The following PLCB4 variants were observed in gnomAD, a reference collection of about 807,000 sequenced individuals.
The protein encoded by PLCB4 is 1-phosphatidylinositol 4,5-bisphosphate phosphodiesterase beta-4.
A neutral mutation model predicts 178.8 loss-of-function variants in PLCB4; 77 were observed. The observed-to-expected ratio is 0.43, with a 90% CI of 0.36 to 0.52. PLCB4 has a LOEUF of 0.52. Among genes scored for constraint, PLCB4 ranks in the 20% least tolerant of loss-of-function variants. The probability of loss-of-function intolerance (pLI) is 0.00; values close to 1 mark genes in which losing one functional copy is unlikely to be tolerated. For missense variants in PLCB4, 1,024 were observed against 1,453.4 expected (o/e 0.70, Z 4.80); for synonymous variants, 496 against 490.8 (o/e 1.01, Z -0.14).
intron 7 of PLCB4, among the ~76,000 whole-genome samples, chr20:9,359,187 G>A (rs752076583): frequency 6.6e-6 from 1 of 152,198 alleles, no homozygotes; most frequent in Non-Finnish European, 1.5e-5. Flanking sequence ...ATGGGAAAGG[G>A]ATTATTTTTG....
At chr20:9,153,508 G>A (rs536331114) in intron 2 of PLCB4, among the ~76,000 whole-genome samples, 1 of 152,246 alleles carries the variant, frequency 6.6e-6, no homozygotes, top group East Asian at 1.9e-4. Flanking sequence ...CATGTAAGAA[G>A]TGCCTTTCAA....
At chr20:9,083,983 T>C (rs2090285163) in intron 1 of PLCB4, among the ~76,000 whole-genome samples, 1 of 152,226 alleles carries the variant, frequency 6.6e-6, no homozygotes, top group African/African-American at 2.4e-5. Context: ...GGAGGGTTTC[T>C]TTTACATGCA....
At chr20:9,287,533 A>G (rs926441498) in intron 3 of PLCB4, among the ~76,000 whole-genome samples, 6 of 151,932 alleles carry the variant, frequency 3.9e-5, no homozygotes, top group African/African-American at 1.4e-4. Context: ...CATTTTCTTG[A>G]TTTTATTTTT....
intron 9 of PLCB4, among the ~76,000 whole-genome samples, chr20:9,370,508 G>A (rs749206851): frequency 6.6e-6 from 1 of 152,170 alleles, no homozygotes; most frequent in African/African-American, 2.4e-5. Context: ...CCCAGTTATT[G>A]TCAACATGAG....
intron 32 of PLCB4, among the ~76,000 whole-genome samples, chr20:9,449,053 T>C (rs2042587986): frequency 6.6e-6 from 1 of 152,174 alleles, no homozygotes; most frequent in African/African-American, 2.4e-5. Flanking sequence ...ACCCTCTGAA[T>C]GTACTGGCAA....
intron 2 of PLCB4, among the ~76,000 whole-genome samples, chr20:9,140,049 A>G (rs1303155393): frequency 1.3e-5 from 2 of 152,028 alleles, no homozygotes; most frequent in Admixed American, 6.6e-5. Flanking sequence ...CTTGCCTTCT[A>G]ACTTTTTCTG....
At chr20:9,187,644 C>T (rs1039290747) in intron 2 of PLCB4, among the ~76,000 whole-genome samples, 1 of 152,128 alleles carries the variant, frequency 6.6e-6, no homozygotes, top group Non-Finnish European at 1.5e-5. Flanking sequence ...ACTGTATAGG[C>T]CAGAGTTCTA....
chr20:9,097,053 G>A (rs1014573957), intron 2 of PLCB4, among the ~76,000 whole-genome samples: 1 of 151,742 alleles, frequency 6.6e-6, no homozygotes, highest in African/African-American at 2.4e-5. Context: ...TCTTGCCTTA[G>A]CCTCTGAAGT....
intron 2 of PLCB4, among the ~76,000 whole-genome samples, chr20:9,213,410 G>T (rs2093695034): frequency 6.6e-6 from 1 of 152,100 alleles, no homozygotes; most frequent in Admixed American, 6.5e-5. Flanking sequence ...CTCCCAAACT[G>T]TTGGGATTAC....
chr20:9,357,207 A>G (rs567715297), intron 7 of PLCB4, among the ~76,000 whole-genome samples: 11 of 152,364 alleles, frequency 7.2e-5, no homozygotes, highest in African/African-American at 2.2e-4. Flanking sequence ...CATGTTTTAA[A>G]TATTTCAGAT....
chr20:9,348,623 A>C (rs1422231905), intron 7 of PLCB4, among the ~76,000 whole-genome samples: 1 of 152,058 alleles, frequency 6.6e-6, no homozygotes, highest in Non-Finnish European at 1.5e-5. Flanking sequence ...GAAATCCTGA[A>C]AAGGTCTACG....
At chr20:9,197,753 A>G (rs1371087894) in intron 2 of PLCB4, among the ~76,000 whole-genome samples, 1 of 152,212 alleles carries the variant, frequency 6.6e-6, no homozygotes, top group African/African-American at 2.4e-5. Flanking sequence ...AGGTTGGTGG[A>G]TCACCTGAGA....
At chr20:9,221,535 T>C (rs1362471690) in intron 3 of PLCB4, among the ~76,000 whole-genome samples, 1 of 152,200 alleles carries the variant, frequency 6.6e-6, no homozygotes, top group Non-Finnish European at 1.5e-5. Flanking sequence ...CCTCCTTGCC[T>C]CACTCCTGCG....
intron 4 of PLCB4, among the ~76,000 whole-genome samples, chr20:9,323,907 C>T (rs926615453): frequency 2.0e-5 from 3 of 152,194 alleles, no homozygotes; most frequent in African/African-American, 7.2e-5. Flanking sequence ...CCCAGTTCTC[C>T]CTGCTCCCTC....
intron 2 of PLCB4, among the ~76,000 whole-genome samples, chr20:9,157,348 T>C (rs1479408589): frequency 2.0e-5 from 3 of 152,198 alleles, no homozygotes; most frequent in Admixed American, 6.5e-5. Context: ...CTAACATTCA[T>C]GAAGATAGCA....
At chr20:9,188,488 G>C (rs899179326) in intron 2 of PLCB4, among the ~76,000 whole-genome samples, 1 of 150,958 alleles carries the variant, frequency 6.6e-6, no homozygotes, top group Non-Finnish European at 1.5e-5. Flanking sequence ...GTGACATTCT[G>C]GGTTGGTTAA....
At chr20:9,135,803 A>G (rs918614996) in intron 2 of PLCB4, among the ~76,000 whole-genome samples, 3 of 152,128 alleles carry the variant, frequency 2.0e-5, no homozygotes, top group African/African-American at 7.2e-5. Flanking sequence ...TGAATTACCT[A>G]TGTCTAAGAA....
In PLCB4 at chr20:9,480,084, C is replaced by T. The variant is rs1054961101; in HGVS notation, c.*1075C>T. ...GTTCTAGTTTGAAAAAAATACATAA[C>T]TAATTTAATTTTACACAAAAATATT... On this transcript the variant is annotated 3_prime_UTR_variant, in exon 40 of 40. Transcript: ENST00000378473. The T allele has an allele frequency of 6.6e-6, 1 of 152,522 alleles. No homozygotes were observed. Among genetic ancestry groups the T allele is most frequent in the African/African-American group, 2.4e-5 (1 of 41,396 alleles). 9.4% of individuals were successfully genotyped at this position (152,522 alleles called of 1,614,324 possible). A position where few individuals can be genotyped will look rare whatever the true frequency, so the allele number is the denominator to read the frequency against.
intron 26 of PLCB4, among the ~76,000 whole-genome samples, chr20:9,420,488 C>T (rs531992711): frequency 1.3e-5 from 2 of 152,172 alleles, no homozygotes; most frequent in African/African-American, 4.8e-5. Flanking sequence ...ACCGCCACAC[C>T]TGGCTAATTT....
Sources: allele counts gnomAD v4.1 joint callset (sites outside exome capture counted in the v4.1 genomes callset), GRCh38; gene constraint gnomAD v4.1.1; transcripts MANE v1.5; gene names NCBI Gene and HGNC (gene_info 2026-07-23, HGNC 2026-07-21).